The following GRID1 variants were observed in gnomAD, a reference collection of about 807,000 sequenced individuals.
The protein encoded by GRID1 is glutamate receptor ionotropic, delta-1.
In GRID1, 28 loss-of-function variants were observed where a neutral mutation model predicts 98.0. That is an observed-to-expected ratio of 0.29 (90% CI 0.21 to 0.39). GRID1 has a LOEUF of 0.39. Among genes scored for constraint, GRID1 ranks in the 10% least tolerant of loss-of-function variants. The pLI, the probability that GRID1 is intolerant of heterozygous loss-of-function variation, is 1.00. For synonymous variants in GRID1, 553 were observed against 538.5 expected (o/e 1.03, Z -0.37); for missense variants, 1,111 against 1,340.5 (o/e 0.83, Z 2.67).
intron 8 of GRID1, among the ~76,000 whole-genome samples, chr10:85,731,022 T>C (rs530869443): frequency 7.9e-5 from 12 of 152,210 alleles, no homozygotes; most frequent in African/African-American, 2.9e-4. Flanking sequence ...CTGGGGGCCC[T>C]AAAGTAAAGA....
At chr10:86,324,206 A>T (rs1000885653) in intron 2 of GRID1, among the ~76,000 whole-genome samples, 3 of 152,122 alleles carry the variant, frequency 2.0e-5, no homozygotes, top group Admixed American at 6.6e-5. Flanking sequence ...TTTATTAACT[A>T]TTAAAATTTG....
Position 85,790,449 on chromosome 10 carries a change from G to T in GRID1, c.1234-60835C>A, listed in dbSNP as rs182686277. 1.2e-4 allele frequency among the ~76,000 whole-genome samples: 19 copies of T among 152,374 alleles called. No individual in the cohort carries two copies. In the East Asian group the frequency reaches 3.5e-3, roughly 28 times the overall value. On this transcript the variant is annotated intron_variant, in intron 8 of 15. Coordinates refer to ENST00000327946, the MANE Select transcript of GRID1 (RefSeq NM_017551.3). ...AAACAAACAAGGTCTGCATCTGTGA[G>T]GAGACTGCAGGACAGGCAGATGATG...
chr10:86,131,480 C>G (rs1055704493), intron 4 of GRID1, among the ~76,000 whole-genome samples: 4 of 152,132 alleles, frequency 2.6e-5, no homozygotes, highest in African/African-American at 9.7e-5. Flanking sequence ...TAATGACCCA[C>G]AAAGGAAGGA....
At chr10:85,683,101 G>T (rs1327797168) in intron 12 of GRID1, among the ~76,000 whole-genome samples, 1 of 152,156 alleles carries the variant, frequency 6.6e-6, no homozygotes, top group Non-Finnish European at 1.5e-5. Context: ...ATCACTCTCA[G>T]ATACACAGAA....
intron 4 of GRID1, among the ~76,000 whole-genome samples, chr10:85,942,954 A>C (rs1478582185): frequency 6.6e-6 from 1 of 152,216 alleles, no homozygotes; most frequent in Non-Finnish European, 1.5e-5. Flanking sequence ...TCTTATCACC[A>C]CTGAAAAATA....
At chr10:85,810,372 G>A (rs528627344) in intron 8 of GRID1, among the ~76,000 whole-genome samples, 86 of 152,288 alleles carry the variant, frequency 5.6e-4, no homozygotes, top group African/African-American at 2.0e-3. Flanking sequence ...GCCATCCTGG[G>A]TCAGCTGAAC....
At chr10:85,612,402 C>T (rs1044605361) in intron 15 of GRID1, among the ~76,000 whole-genome samples, 8 of 152,196 alleles carry the variant, frequency 5.3e-5, no homozygotes, top group African/African-American at 1.7e-4. Context: ...CCTCTGAAAC[C>T]ATTTAATGAA....
chr10:86,344,016 G>A (rs1204458282), intron 2 of GRID1, among the ~76,000 whole-genome samples: 3 of 152,250 alleles, frequency 2.0e-5, no homozygotes, highest in Non-Finnish European at 4.4e-5. Flanking sequence ...CCGTTCATTG[G>A]CTGGCCCTGG....
At chr10:86,242,466 T>C (rs946112704) in intron 2 of GRID1, among the ~76,000 whole-genome samples, 1 of 152,208 alleles carries the variant, frequency 6.6e-6, no homozygotes, top group African/African-American at 2.4e-5. Context: ...GCTCTTGACG[T>C]ATCCTGAGCT....
Position 85,599,919 on chromosome 10 carries a change from T to TCTCTCACACACACACA in GRID1, c.*2353_*2354insTGTGTGTGTGTGAGAG, listed in dbSNP as rs1554857354. 3.0e-5 allele frequency: 4 copies of TCTCTCACACACACACA among 131,524 alleles called. No individual in the cohort carries two copies. The highest frequency in any genetic ancestry group is 9.4e-5 in the African/African-American group (3 of 31,962). 8.1% of individuals were successfully genotyped at this position (131,524 alleles called of 1,614,324 possible). ...GTCTCTCTCTCTCTCTCTCTCTCTC[T>TCTCTCACACACACACA]CACACACACACACACACACAAACAC... is the stretch of plus-strand genomic sequence containing the variant. On this transcript the variant is annotated 3_prime_UTR_variant, in exon 16 of 16. Transcript: ENST00000327946.
chr10:85,863,941 G>A (rs1843190421), intron 6 of GRID1, among the ~76,000 whole-genome samples: 1 of 152,128 alleles, frequency 6.6e-6, no homozygotes, highest in South Asian at 2.1e-4. Context: ...CACAGGCCAG[G>A]GTCAGAACCA....
chr10:86,267,317 G>C (rs1847118780), intron 2 of GRID1, among the ~76,000 whole-genome samples: 1 of 152,224 alleles, frequency 6.6e-6, no homozygotes, highest in African/African-American at 2.4e-5. Context: ...CAGAGGCTCT[G>C]CTGTCTCTGA....
At chr10:86,258,845 G>C (rs1308042312) in intron 2 of GRID1, among the ~76,000 whole-genome samples, 1 of 152,156 alleles carries the variant, frequency 6.6e-6, no homozygotes, top group Non-Finnish European at 1.5e-5. Context: ...AGAAAATGCA[G>C]GGAGAACCCA....
chr10:85,988,963 T>A (rs1358318406), intron 4 of GRID1, among the ~76,000 whole-genome samples: 1 of 152,028 alleles, frequency 6.6e-6, no homozygotes, highest in East Asian at 1.9e-4. Flanking sequence ...CCAGGGTGAG[T>A]CAGGTCACAG....
rs1215593306 is a variant in GRID1, at chr10:85,867,450, GGATTCCCCTCTCCC to G, written c.951+1546_951+1559del. On this transcript the variant is annotated intron_variant, in intron 6 of 15. Coordinates refer to ENST00000327946, the MANE Select transcript of GRID1 (RefSeq NM_017551.3). ...GGCTCTGGCCCCACAGAGAGCAAAG[GGATTCCCCTCTCCC>G]GCTGCACTGGGTGGGAATGGGCACA... 1.5e-3 allele frequency among the ~76,000 whole-genome samples: 227 copies of G among 152,246 alleles called. 3 individuals carry two copies. The highest frequency in any genetic ancestry group is 1.6e-4 in the Non-Finnish European group (11 of 68,008).
At chr10:86,351,192 T>A (rs1009208290) in intron 2 of GRID1, among the ~76,000 whole-genome samples, 16 of 152,156 alleles carry the variant, frequency 1.1e-4, no homozygotes, top group Admixed American at 5.9e-4. Flanking sequence ...GAAAGGAGGA[T>A]CAGCTGAAAT....
At chr10:86,348,106 G>C (rs1487943695) in intron 2 of GRID1, among the ~76,000 whole-genome samples, 3 of 152,168 alleles carry the variant, frequency 2.0e-5, no homozygotes, top group Non-Finnish European at 4.4e-5. Flanking sequence ...GAGCTCTCTG[G>C]GACACACAAG....
intron 8 of GRID1, among the ~76,000 whole-genome samples, chr10:85,836,205 T>A (rs1366504132): frequency 2.0e-5 from 3 of 151,982 alleles, no homozygotes; most frequent in African/African-American, 4.8e-5. Flanking sequence ...AGAAATATAA[T>A]TTTTAAAATG....
rs993604704 is a variant in GRID1 at position 85,916,536 on chromosome 10, C to A, written c.727-297G>T. Among the ~76,000 whole-genome samples, 1 of 152,306 alleles carries A rather than the reference C, an allele frequency of 6.6e-6. No individual in the cohort carries two copies. The highest frequency in any genetic ancestry group is 2.1e-4 in the South Asian group (1 of 4,816). ...CAGGCACAGGCACAGGCACAGCCCC[C>A]CTTCCCTAGGAATGCCTGCAAACAC... On this transcript the variant is annotated intron_variant, in intron 4 of 15. Transcript: ENST00000327946. This position sits in a 1 kb window ranked among gnomAD's most constrained non-coding sequence, Gnocchi z 4.0.
Sources: gnomAD v4.1 joint callset for allele counts (sites outside exome capture counted in the v4.1 genomes callset) on GRCh38, gnomAD v4.1.1 for gene constraint, Gnocchi (gnomAD v3.1) non-coding constraint, MANE v1.5 for transcripts, NCBI Gene and HGNC (gene_info 2026-07-23, HGNC 2026-07-21) for gene names.